The following PLXDC2 variants were observed in gnomAD, a reference collection of about 807,000 sequenced individuals.
PLXDC2 encodes plexin domain containing 2.
Under a neutral mutation model 68.9 loss-of-function variants are expected in PLXDC2, and 40 were observed. The ratio of observed to expected loss-of-function variants is 0.58; its 90% CI spans 0.45 to 0.76. The LOEUF is 0.76. Ranked by LOEUF, PLXDC2 falls within the 30% of genes least tolerant of loss-of-function variation. PLXDC2 has a pLI of 0.00. For missense variants in PLXDC2, 644 were observed against 661.9 expected (o/e 0.97, Z 0.30); for synonymous variants, 243 against 234.2 (o/e 1.04, Z -0.34).
chr10:20,233,876 A>G (rs1835397125), intron 12 of PLXDC2, among the ~76,000 whole-genome samples: 1 of 152,172 alleles, frequency 6.6e-6, no homozygotes, highest in Admixed American at 6.5e-5. Context: ...GCTAGAGTGC[A>G]GTGGTGCAAT....
intron 6 of PLXDC2, among the ~76,000 whole-genome samples, chr10:20,151,776 T>A (rs1834155965): frequency 6.6e-6 from 1 of 151,976 alleles, no homozygotes; most frequent in African/African-American, 2.4e-5. Context: ...GGAGTAAAAT[T>A]TTCTGTTCCT....
chr10:19,836,514 A>G (rs1311449856), intron 1 of PLXDC2, among the ~76,000 whole-genome samples: 1 of 152,220 alleles, frequency 6.6e-6, no homozygotes, highest in South Asian at 2.1e-4. Flanking sequence ...CGTTTTATGT[A>G]ACCTGAAGTC....
At chr10:20,183,756 T>C (rs1834640329) in intron 9 of PLXDC2, among the ~76,000 whole-genome samples, 1 of 152,038 alleles carries the variant, frequency 6.6e-6, no homozygotes, top group Non-Finnish European at 1.5e-5. Flanking sequence ...TCTACTTTCC[T>C]GAGAATTCTA....
chr10:19,971,517 A>T (rs1834352533), intron 1 of PLXDC2, among the ~76,000 whole-genome samples: 1 of 152,148 alleles, frequency 6.6e-6, no homozygotes, highest in Non-Finnish European at 1.5e-5. Flanking sequence ...TACATTGTGT[A>T]CCCTGGTGAG....
intron 1 of PLXDC2, among the ~76,000 whole-genome samples, chr10:19,998,832 G>C (rs1345028679): frequency 6.6e-6 from 1 of 152,016 alleles, no homozygotes; most frequent in Non-Finnish European, 1.5e-5. Context: ...TCAAACCTCA[G>C]CTGTCTAGAG....
intron 9 of PLXDC2, among the ~76,000 whole-genome samples, chr10:20,196,202 G>C (rs141914085): frequency 7.2e-5 from 11 of 152,108 alleles, no homozygotes; most frequent in Admixed American, 5.9e-4. Context: ...TAGCAAAGTT[G>C]GATGCTGGAA....
At chr10:20,227,720 C>A (rs573441702) in intron 12 of PLXDC2, among the ~76,000 whole-genome samples, 75 of 152,140 alleles carry the variant, frequency 4.9e-4, no homozygotes, top group African/African-American at 1.7e-3. Context: ...GTCATTTTGA[C>A]AAGGGAGTGT....
intron 1 of PLXDC2, among the ~76,000 whole-genome samples, chr10:19,822,582 T>C (rs913621664): frequency 4.6e-5 from 7 of 152,170 alleles, no homozygotes; most frequent in Non-Finnish European, 7.3e-5. Flanking sequence ...CAATTTACAT[T>C]CCCACCAACA....
At chr10:20,141,727 G>A (rs1015381051) in intron 4 of PLXDC2, among the ~76,000 whole-genome samples, 2 of 151,910 alleles carry the variant, frequency 1.3e-5, no homozygotes, top group Non-Finnish European at 2.9e-5. Flanking sequence ...TTGAATATTA[G>A]GAGTATGACT....
At chr10:19,819,654 A>C (rs1342568379) in intron 1 of PLXDC2, among the ~76,000 whole-genome samples, 1 of 152,222 alleles carries the variant, frequency 6.6e-6, no homozygotes, top group Non-Finnish European at 1.5e-5. Flanking sequence ...ATAAACTGCT[A>C]ATTTCCTCTA....
intron 1 of PLXDC2, among the ~76,000 whole-genome samples, chr10:19,842,137 G>A (rs555056345): frequency 2.0e-5 from 3 of 152,150 alleles, no homozygotes; most frequent in East Asian, 1.9e-4. Context: ...AACTAGCCAG[G>A]CATGGTGGTG....
chr10:20,187,075 C>CA (rs776384147), intron 9 of PLXDC2, among the ~76,000 whole-genome samples: 12 of 149,886 alleles, frequency 8.0e-5, no homozygotes, highest in African/African-American at 2.0e-4. Context: ...TCAAAAGATT[C>CA]AAAAAAAAAT....
At position 20,288,487 on chromosome 10, in the gene PLXDC2, A is replaced by G. The variant is rs1332617031; in HGVS notation, c.*8668A>G. The G allele has an allele frequency of 2.0e-5, 3 of 152,104 alleles. No individual in the cohort carries two copies. The highest frequency in any genetic ancestry group is 2.4e-5 in the African/African-American group (1 of 41,428). 9.4% of individuals were successfully genotyped at this position (152,104 alleles called of 1,614,324 possible). A position where few individuals can be genotyped will look rare whatever the true frequency, so the allele number is the denominator to read the frequency against. ...TAAAAATGATTGTATCTGAATCTGC[A>G]CTAATGGTGTCTGAGAGCAAAAAGA... On this transcript the variant is annotated 3_prime_UTR_variant, in exon 14 of 14. Coordinates refer to ENST00000377252, the MANE Select transcript of PLXDC2 (RefSeq NM_032812.9).
intron 9 of PLXDC2, among the ~76,000 whole-genome samples, chr10:20,210,489 G>C (rs1306590560): frequency 6.6e-6 from 1 of 152,064 alleles, no homozygotes; most frequent in East Asian, 1.9e-4. Context: ...AGAGTACGTA[G>C]GGAAGACAGA....
chr10:20,240,586 G>T (rs1835501179), intron 12 of PLXDC2, among the ~76,000 whole-genome samples: 1 of 151,468 alleles, frequency 6.6e-6, no homozygotes, highest in South Asian at 2.1e-4. Flanking sequence ...TGCAGCTTCA[G>T]ATTTAACAGT....
intron 12 of PLXDC2, among the ~76,000 whole-genome samples, chr10:20,224,075 G>A (rs568749329): frequency 6.6e-6 from 1 of 151,196 alleles, no homozygotes; most frequent in South Asian, 2.1e-4. Context: ...TTTGGTTCAA[G>A]CGATTCACCT....
intron 2 of PLXDC2, among the ~76,000 whole-genome samples, chr10:20,015,607 C>A (rs952360507): frequency 6.6e-6 from 1 of 152,012 alleles, no homozygotes; most frequent in African/African-American, 2.4e-5. Flanking sequence ...CACTGAATTC[C>A]TTAAACTTTA....
chr10:19,887,439 T>G (rs2131356652), intron 1 of PLXDC2, among the ~76,000 whole-genome samples: 1 of 152,246 alleles, frequency 6.6e-6, no homozygotes, highest in Non-Finnish European at 1.5e-5. Context: ...GGAGAATCGC[T>G]TGAACCCAGG....
chr10:20,193,774 A>G (rs1834800758), intron 9 of PLXDC2, among the ~76,000 whole-genome samples: 1 of 152,102 alleles, frequency 6.6e-6, no homozygotes, highest in Non-Finnish European at 1.5e-5. Flanking sequence ...CTTCACACCC[A>G]AATTCTTAAA....
Sources: gnomAD v4.1 joint callset for allele counts (sites outside exome capture counted in the v4.1 genomes callset) on GRCh38, gnomAD v4.1.1 for gene constraint, MANE v1.5 for transcripts, NCBI Gene and HGNC (gene_info 2026-07-23, HGNC 2026-07-21) for gene names.